COL7A1: variants seen among roughly 807,000 people sequenced by gnomAD.
The protein encoded by COL7A1 is collagen type VII alpha 1 chain.
COL7A1 carries 296 observed loss-of-function variants against 456.2 expected under a neutral mutation model. The ratio of observed to expected loss-of-function variants is 0.65; its 90% CI spans 0.59 to 0.71. COL7A1 has a LOEUF of 0.71. Among genes scored for constraint, COL7A1 ranks in the 30% least tolerant of loss-of-function variants. The probability of loss-of-function intolerance (pLI) is 0.00; values close to 1 mark genes in which losing one functional copy is unlikely to be tolerated. For missense variants in COL7A1, 3,441 were observed against 4,017.2 expected (o/e 0.86, Z 3.88); for synonymous variants, 1,464 against 1,525.9 (o/e 0.96, Z 0.95).
At chr3:48,576,600 C>A (rs2044318851) in intron 68 of COL7A1, 43 bp from the exon 69 acceptor site, 1 of 1,596,528 alleles carries the variant, frequency 6.3e-7, no homozygotes, top group Admixed American at 1.8e-5. Context: ...AGGCCCATGG[C>A]TTCCCAGGAG....
intron 65 of COL7A1, among the ~76,000 whole-genome samples, chr3:48,577,362 T>C (rs1431568060): frequency 1.3e-5 from 2 of 152,204 alleles, no homozygotes; most frequent in Non-Finnish European, 2.9e-5. Context: ...CATGTACCCA[T>C]GGGTCTGTGT....
In COL7A1 at chr3:48,575,606, A is replaced by G. The variant is rs954406493; in HGVS notation, c.5979+20T>C. 2.8e-5 allele frequency: 45 copies of G among 1,612,794 alleles called. No homozygotes were observed. The highest frequency in any genetic ancestry group is 3.3e-5 in the Non-Finnish European group (39 of 1,179,990). ...CACCCCACTCCACGGGGCACAACCC[A>G]CTGAGCCACTTCTGCTCACCTCCTT... is the stretch of plus-strand genomic sequence containing the variant. On this transcript the variant is annotated intron_variant, in intron 73 of 118. Transcript: ENST00000681320. This position sits in a 1 kb window ranked among gnomAD's most constrained non-coding sequence, Gnocchi z 6.3.
In COL7A1 at chr3:48,573,417, G is replaced by C; in HGVS notation, c.6619-69C>G. The C allele has an allele frequency of 6.2e-7, 1 of 1,613,246 alleles. No individual in the cohort carries two copies. The highest frequency in any genetic ancestry group is 1.7e-5 in the Admixed American group (1 of 60,018). The stretch of plus-strand genomic sequence containing the variant: ...AGGGCTCCTGGAGCTCATCCTCATT[G>C]CAGGAGATGACAGCCCAGGAGGTTG... On this transcript the variant is annotated intron_variant, in intron 83 of 118. Transcript: ENST00000681320. The surrounding 1 kb of genome is among the most constrained non-coding windows in gnomAD (Gnocchi z 5.5).
rs753975239 is a variant in COL7A1, at chr3:48,579,165, G to A, written c.5388+32C>T. 7 of 1,610,572 alleles carry A rather than the reference G, an allele frequency of 4.3e-6. No homozygotes were observed. Among genetic ancestry groups the A allele is most frequent in the Non-Finnish European group, 5.9e-6 (7 of 1,178,660 alleles). Reference sequence around the variant, plus strand: ...GTCCTCATGTGAAGGGGTAGGGGAAGGGGACAACCAGGCAGGACTACCAAG... The same window carrying A: ...GTCCTCATGTGAAGGGGTAGGGGAAAGGGACAACCAGGCAGGACTACCAAG... On this transcript the variant is annotated intron_variant, in intron 62 of 118. Coordinates refer to ENST00000681320, the MANE Select transcript of COL7A1 (RefSeq NM_000094.4). The surrounding 1 kb of genome is among the most constrained non-coding windows in gnomAD (Gnocchi z 4.4).
At position 48,565,789 on chromosome 3, in the gene COL7A1, A is replaced by AACAG. The variant is rs3832252; in HGVS notation, c.8408-125_8408-122dup. The AACAG allele has an allele frequency of 0.065, 62,076 of 949,738 alleles. 6,124 individuals are homozygous for AACAG. The highest frequency in any genetic ancestry group is 0.39 in the African/African-American group (23,759 of 60,198). The allele number at this position is 949,738 out of a possible 1,614,324, so 58.8% of individuals were successfully genotyped here. On this transcript the variant is annotated intron_variant, in intron 114 of 118. Transcript: ENST00000681320. The surrounding 1 kb of genome is among the most constrained non-coding windows in gnomAD (Gnocchi z 4.5). Reference sequence around the variant, plus strand: ...ACACAAAGAGATAGCAGGAGAGGGTAACAGGAGAGAGAGGAAGAGAGAGGG... The same window carrying AACAG: ...ACACAAAGAGATAGCAGGAGAGGGTAACAGACAGGAGAGAGAGGAAGAGAGAGGG...
Position 48,567,396 on chromosome 3 carries a change from T to C in COL7A1, c.8046+178A>G. 1 of 969,160 alleles carries C rather than the reference T, an allele frequency of 1.0e-6. No homozygotes were observed. The highest frequency in any genetic ancestry group is 1.6e-6 in the Non-Finnish European group (1 of 628,560). 60.0% of individuals were successfully genotyped at this position (969,160 alleles called of 1,614,324 possible). On this transcript the variant is annotated intron_variant, in intron 109 of 118. Transcript: ENST00000681320. This position sits in a 1 kb window ranked among gnomAD's most constrained non-coding sequence, Gnocchi z 4.3. ...CATGCCCCCTCCACCTCCCATGCTT[T>C]CATCCTAACTCCACTGTGACCCCAA...
At position 48,592,513 on chromosome 3, in the gene COL7A1, G is replaced by A; in HGVS notation, c.977-46C>T. 3 of 1,613,446 alleles carry A rather than the reference G, an allele frequency of 1.9e-6. No homozygotes were observed. The highest frequency in any genetic ancestry group is 1.1e-5 in the South Asian group (1 of 91,072). On this transcript the variant is annotated intron_variant, in intron 8 of 118. Coordinates refer to ENST00000681320, the MANE Select transcript of COL7A1 (RefSeq NM_000094.4). This position sits in a 1 kb window ranked among gnomAD's most constrained non-coding sequence, Gnocchi z 7.6. ...GGATTCATGGAGTCAGAAGTGGGAG[G>A]GGGTACTGGGGTCGGGGGTTAGGTG...
Position 48,575,833 on chromosome 3 carries a change from A to T in COL7A1, c.5856+34T>A, listed in dbSNP as rs1194154981. 6.2e-7 allele frequency: 1 copy of T among 1,613,784 alleles called. No homozygotes were observed. Among genetic ancestry groups the T allele is most frequent in the East Asian group, 2.2e-5 (1 of 44,826 alleles). ...GGCACCACTAGCCCCAAGGGCCCCCACTTGTCCCTACCCCCAGCCCCTAAA... is the reference window on the plus strand; with the variant it reads ...GGCACCACTAGCCCCAAGGGCCCCCTCTTGTCCCTACCCCCAGCCCCTAAA... On this transcript the variant is annotated intron_variant, in intron 72 of 118. Transcript: ENST00000681320. This position sits in a 1 kb window ranked among gnomAD's most constrained non-coding sequence, Gnocchi z 6.3.
Position 48,571,035 on chromosome 3 carries a change from C to A in COL7A1, c.7164+66G>T. 1 of 1,611,640 alleles carries A rather than the reference C, an allele frequency of 6.2e-7. No homozygotes were observed. The highest frequency in any genetic ancestry group is 1.1e-5 in the South Asian group (1 of 91,020). ...ACCCCTCCCAGGACTCTCATCAGAA[C>A]TCCCTCTTCCTCCTGTGGGGGCCCG... On this transcript the variant is annotated intron_variant, in intron 94 of 118. Transcript: ENST00000681320. This position sits in a 1 kb window ranked among gnomAD's most constrained non-coding sequence, Gnocchi z 4.6.
rs773780675 is a variant in COL7A1, at chr3:48,579,807, GTGTC to G, written c.5128_5131del (p.Asp1710GlnfsTer130). 6.2e-7 allele frequency: 1 copy of G among 1,614,062 alleles called. No individual in the cohort carries two copies. Among genetic ancestry groups the G allele is most frequent in the South Asian group, 1.1e-5 (1 of 91,070 alleles). On this transcript the variant is annotated frameshift_variant, in exon 58 of 119. Coordinates refer to ENST00000681320, the MANE Select transcript of COL7A1 (RefSeq NM_000094.4). LOFTEE classifies it high-confidence loss of function. This position sits in a 1 kb window ranked among gnomAD's most constrained non-coding sequence, Gnocchi z 4.4. ...TACCTTCTCTCTGGCTCCAGGTCCTGTGTCTACCTGTGGGGGGAATGACCAGTGA... is the reference window on the plus strand; with the variant it reads ...TACCTTCTCTCTGGCTCCAGGTCCTGTACCTGTGGGGGGAATGACCAGTGA...
Position 48,581,472 on chromosome 3 carries a change from G to T in COL7A1, c.4794C>A (p.Gly1598=). The part of the protein sequence containing the change: ...KGDPGDRGPI[G]LTGRAGPPGD... ...CTGGGGGTCCTGCTCTGCCAGTAAG[G>T]CCAATGGGACCCTGAAGGGGACAGA... The change falls in exon 51 of 119, where the codon GGC becomes GGA. Residue 1598 remains glycine, a synonymous_variant. Coordinates refer to ENST00000681320, the MANE Select transcript of COL7A1 (RefSeq NM_000094.4). The surrounding 1 kb of genome is among the most constrained non-coding windows in gnomAD (Gnocchi z 5.8). 8 of 1,614,084 alleles carry T rather than the reference G, an allele frequency of 5.0e-6. No homozygotes were observed. The highest frequency in any genetic ancestry group is 6.8e-6 in the Non-Finnish European group (8 of 1,180,012).
chr3:48,580,845 C>G lies in COL7A1; in HGVS notation c.4980+37G>C. The G allele has an allele frequency of 6.2e-7, 1 of 1,613,914 alleles. No homozygotes were observed. Among genetic ancestry groups the G allele is most frequent in the Non-Finnish European group, 8.5e-7 (1 of 1,179,818 alleles). ...TTTCCTATCACCTTCATGCCCACCT[C>G]CCATCACCCCTGTTACTTCTCTCTG... On this transcript the variant is annotated intron_variant, in intron 54 of 118. Transcript: ENST00000681320. This position sits in a 1 kb window ranked among gnomAD's most constrained non-coding sequence, Gnocchi z 4.5.
chr3:48,595,258 C>T lies in COL7A1; in HGVS notation c.-2+10G>A, dbSNP rs891245575. 3 of 977,102 alleles carry T rather than the reference C, an allele frequency of 3.1e-6. No homozygotes were observed. Among genetic ancestry groups the T allele is most frequent in the Non-Finnish European group, 4.7e-6 (3 of 634,528 alleles). The allele number at this position is 977,102 out of a possible 1,614,324, so 60.5% of individuals were successfully genotyped here. On this transcript the variant is annotated intron_variant, in intron 1 of 118. Transcript: ENST00000681320. The stretch of plus-strand genomic sequence containing the variant: ...GCCCAGCGCCCCTCCAGCCCGAGTC[C>T]TGGTCTTGCCTGCGCGTCCGCCCGC...
In COL7A1 at chr3:48,593,881, T is replaced by C. The variant is rs1357207330; in HGVS notation, c.267-185A>G. ...TTAACAAACTCCCCAGGGGCTCCTT[T>C]GTGCACCATCTGCAGGTGGGCCTGG... is the stretch of plus-strand genomic sequence containing the variant. On this transcript the variant is annotated intron_variant, in intron 3 of 118. Coordinates refer to ENST00000681320, the MANE Select transcript of COL7A1 (RefSeq NM_000094.4). This position sits in a 1 kb window ranked among gnomAD's most constrained non-coding sequence, Gnocchi z 4.4. Among the ~76,000 whole-genome samples the C allele has an allele frequency of 6.6e-6, 1 of 152,314 alleles. No homozygotes were observed. Among genetic ancestry groups the C allele is most frequent in the African/African-American group, 2.4e-5 (1 of 41,570 alleles).
Position 48,593,276 on chromosome 3 carries a change from C to A in COL7A1, c.521-13G>T, listed in dbSNP as rs1157258649. Reference sequence around the variant, plus strand: ...GCATTCTTGATCCCTGAAGTGACGACCCATCAGGACTCAGTCACCCACATG... The same window carrying A: ...GCATTCTTGATCCCTGAAGTGACGAACCATCAGGACTCAGTCACCCACATG... On this transcript the variant is annotated splice_polypyrimidine_tract_variant and intron_variant, in intron 5 of 118. Transcript: ENST00000681320. The surrounding 1 kb of genome is among the most constrained non-coding windows in gnomAD (Gnocchi z 4.4). The A allele has an allele frequency of 1.9e-6, 3 of 1,614,124 alleles. No homozygotes were observed. The highest frequency in any genetic ancestry group is 2.2e-5 in the East Asian group (1 of 44,880).
rs745444203 is a variant in COL7A1 at position 48,565,587 on chromosome 3, A to G, written c.8440+49T>C. The stretch of plus-strand genomic sequence containing the variant: ...CCTGAGAGGACCCCAGTTGATAGGC[A>G]GGGCAGGGCCTGGGGTGAAGAAAGT... On this transcript the variant is annotated intron_variant, in intron 115 of 118. Transcript: ENST00000681320. This position sits in a 1 kb window ranked among gnomAD's most constrained non-coding sequence, Gnocchi z 4.5. 3 of 1,614,084 alleles carry G rather than the reference A, an allele frequency of 1.9e-6. No individual in the cohort carries two copies. The highest frequency in any genetic ancestry group is 2.2e-5 in the South Asian group (2 of 91,068).
rs768597948 is a variant in COL7A1, at chr3:48,571,136, C to G, written c.7129G>C (p.Gly2377Arg). The change falls in exon 94 of 119, where the codon GGC (glycine) becomes CGC (arginine). Residue 2377 changes from glycine (G) to arginine (R), a missense_variant. Around this residue, in one of 3 missense-constraint regions of COL7A1, gnomAD observed 2,084 missense variants for 2,501.3 expected, o/e 0.83. Coordinates refer to ENST00000681320, the MANE Select transcript of COL7A1 (RefSeq NM_000094.4). The surrounding 1 kb of genome is among the most constrained non-coding windows in gnomAD (Gnocchi z 4.6). ...FKGDPGVGVP[G>R]SPGPPGPPGV... ...GGAGGGCCAGGAGGCCCAGGGGAGC[C>G]CGGGACCCCGACTCCTGGGTCACCC... The G allele has an allele frequency of 6.2e-7, 1 of 1,614,006 alleles. No individual in the cohort carries two copies. The highest frequency in any genetic ancestry group is 8.5e-7 in the Non-Finnish European group (1 of 1,180,016).
intron 1 of COL7A1, 42 bp downstream of exon 1, chr3:48,595,226 G>C: frequency 7.3e-7 from 1 of 1,370,734 alleles, no homozygotes. Flanking sequence ...GGCCTTGGCA[G>C]GTCCGAGCCC....
At chr3:48,576,628 T>C (rs752562418) in intron 68 of COL7A1, 48 bp downstream of exon 68, 129 of 1,591,036 alleles carry the variant, frequency 8.1e-5, no homozygotes, top group Non-Finnish European at 1.0e-4. Flanking sequence ...CATTGAAACA[T>C]CATGGCTTCT....
Sources: allele counts gnomAD v4.1 joint callset (sites outside exome capture counted in the v4.1 genomes callset), GRCh38; gene constraint gnomAD v4.1.1; regional missense constraint gnomAD v4.1.1; non-coding constraint Gnocchi (gnomAD v3.1); transcripts MANE v1.5; gene names NCBI Gene and HGNC (gene_info 2026-07-23, HGNC 2026-07-21).